The following KLHL29 variants were observed in gnomAD, a reference collection of about 807,000 sequenced individuals.
KLHL29 encodes the protein kelch like family member 29, also known as kelch-like protein 29.
KLHL29 carries 21 observed loss-of-function variants against 80.4 expected under a neutral mutation model. The ratio of observed to expected loss-of-function variants is 0.26; its 90% CI spans 0.19 to 0.38. KLHL29 has a LOEUF of 0.38. KLHL29 is among the 10% of genes least tolerant of loss of function. KLHL29 has a pLI of 1.00. For missense variants in KLHL29, 867 were observed against 1,223.9 expected (o/e 0.71, Z 4.35); for synonymous variants, 511 against 526.8 (o/e 0.97, Z 0.41).
chr2:23,592,513 C>T (rs1668293615), intron 3 of KLHL29, among the ~76,000 whole-genome samples: 3 of 152,322 alleles, frequency 2.0e-5, no homozygotes, highest in Admixed American at 1.3e-4. Flanking sequence ...TCCACATGGC[C>T]GCAGGCCGGG....
chr2:23,648,593 A>G (rs558840807), intron 5 of KLHL29, among the ~76,000 whole-genome samples: 3 of 152,244 alleles, frequency 2.0e-5, no homozygotes, highest in African/African-American at 4.8e-5. Context: ...TCCGGGAGCT[A>G]TCTGTCTTGG....
At chr2:23,425,459 G>A (rs1662981453) in intron 1 of KLHL29, among the ~76,000 whole-genome samples, 1 of 152,152 alleles carries the variant, frequency 6.6e-6, no homozygotes, top group Non-Finnish European at 1.5e-5. Context: ...CCAGACCAGG[G>A]TCCCATAGCA....
At chr2:23,557,084 A>C (rs1399734946) in intron 2 of KLHL29, among the ~76,000 whole-genome samples, 1 of 152,112 alleles carries the variant, frequency 6.6e-6, no homozygotes, top group Non-Finnish European at 1.5e-5. Context: ...AAGGGGGCTC[A>C]CCTTGACAAG....
At chr2:23,453,915 A>AC (rs1489516579) in intron 1 of KLHL29, among the ~76,000 whole-genome samples, 1 of 152,110 alleles carries the variant, frequency 6.6e-6, no homozygotes, top group Non-Finnish European at 1.5e-5. Context: ...AGGTTTTAGA[A>AC]CTGCATTTGA....
intron 3 of KLHL29, among the ~76,000 whole-genome samples, chr2:23,592,977 G>A (rs1366907045): frequency 1.3e-5 from 2 of 152,090 alleles, no homozygotes; most frequent in Non-Finnish European, 2.9e-5. Context: ...GTCTTCTCAG[G>A]GCTTCATTGT....
intron 1 of KLHL29, among the ~76,000 whole-genome samples, chr2:23,455,445 T>C (rs1170582275): frequency 6.6e-6 from 1 of 152,206 alleles, no homozygotes; most frequent in African/African-American, 2.4e-5. Flanking sequence ...TGAAGGTCTT[T>C]GTTAAAAAGC....
chr2:23,404,560 G>A (rs552736799), intron 1 of KLHL29, among the ~76,000 whole-genome samples: 33 of 152,164 alleles, frequency 2.2e-4, no homozygotes, highest in African/African-American at 7.2e-4. Flanking sequence ...CCACTGTCAC[G>A]CCCACAAGAG....
chr2:23,441,334 TG>T (rs1212365319), intron 1 of KLHL29, among the ~76,000 whole-genome samples: 3,689 of 56,180 alleles, frequency 0.066, 75 homozygotes, highest in Middle Eastern at 0.23. Context: ...TGTGGCGGGG[TG>T]GGGGGAGGGG....
At chr2:23,620,775 C>A (rs1261439060) in intron 3 of KLHL29, among the ~76,000 whole-genome samples, 1 of 152,166 alleles carries the variant, frequency 6.6e-6, no homozygotes, top group Non-Finnish European at 1.5e-5. Flanking sequence ...GAGAGGGAGG[C>A]AGGAGAAGAA....
chr2:23,513,832 C>T (rs143531746), intron 2 of KLHL29, among the ~76,000 whole-genome samples: 64 of 152,294 alleles, frequency 4.2e-4, no homozygotes, highest in African/African-American at 1.5e-3. Flanking sequence ...AGACTTTCCA[C>T]GTCAGCCTAC....
chr2:23,628,890 G>A (rs1289450352), intron 3 of KLHL29, among the ~76,000 whole-genome samples: 1 of 152,190 alleles, frequency 6.6e-6, no homozygotes, highest in Non-Finnish European at 1.5e-5. Flanking sequence ...GGGGAGGGCG[G>A]GGGTGGGCCT....
At chr2:23,703,676 C>A in intron 12 of KLHL29, 43 bp from the exon 13 acceptor site, 1 of 1,501,680 alleles carries the variant, frequency 6.7e-7, no homozygotes, top group South Asian at 1.3e-5. Flanking sequence ...GAGGGAAGTC[C>A]AAGACAAGCT....
In KLHL29 at chr2:23,642,625, C is replaced by T; in HGVS notation, c.715C>T (p.Pro239Ser). ...TCAGCCCCTGGCCGTGTCCACACTG[C>T]CCGGTGTGGGGCAGGTGGCCCGCCC... is the stretch of plus-strand genomic sequence containing the variant. Reference protein sequence around the residue: ...SPQPLAVSTLPGVGQVARPGP... With the variant: ...SPQPLAVSTLSGVGQVARPGP... The change falls in exon 5 of 14, where the codon CCC becomes TCC. Residue 239 changes from proline to serine, a missense_variant. Physicochemically the swap from Pro to Ser is moderately conservative, Grantham distance 74. Transcript: ENST00000486442. The T allele has an allele frequency of 1.3e-6, 2 of 1,549,756 alleles. No homozygotes were observed. Among genetic ancestry groups the T allele is most frequent in the Non-Finnish European group, 1.7e-6 (2 of 1,146,542 alleles).
intron 1 of KLHL29, among the ~76,000 whole-genome samples, chr2:23,412,054 G>A (rs1666872366): frequency 6.6e-6 from 1 of 151,610 alleles, no homozygotes; most frequent in African/African-American, 2.4e-5. Flanking sequence ...AAGTGTTGTG[G>A]GAATGTGAGG....
intron 1 of KLHL29, among the ~76,000 whole-genome samples, chr2:23,432,517 G>A (rs1413957953): frequency 1.3e-5 from 2 of 152,238 alleles, no homozygotes; most frequent in Non-Finnish European, 2.9e-5. Flanking sequence ...CCCTGTCCTT[G>A]CACTTCTGGA....
chr2:23,601,453 A>C (rs764652594), intron 3 of KLHL29, among the ~76,000 whole-genome samples: 1 of 152,138 alleles, frequency 6.6e-6, no homozygotes, highest in Non-Finnish European at 1.5e-5. Flanking sequence ...TCTGCCCTGG[A>C]ATGTGCATGT....
chr2:23,417,853 A>AC (rs2103399410), intron 1 of KLHL29, among the ~76,000 whole-genome samples: 2 of 151,834 alleles, frequency 1.3e-5, no homozygotes, highest in South Asian at 4.2e-4. Flanking sequence ...TGCCACCACG[A>AC]CCCCCACCCT....
chr2:23,636,925 C>A (rs1014512387), intron 3 of KLHL29, among the ~76,000 whole-genome samples: 1 of 152,134 alleles, frequency 6.6e-6, no homozygotes, highest in Non-Finnish European at 1.5e-5. Flanking sequence ...TTTCCAGAAG[C>A]TTCCCTACCC....
At chr2:23,607,034 A>G (rs1183164786) in intron 3 of KLHL29, among the ~76,000 whole-genome samples, 1 of 152,208 alleles carries the variant, frequency 6.6e-6, no homozygotes, top group Non-Finnish European at 1.5e-5. Flanking sequence ...CATGAGCCCC[A>G]TATGAGGGCA....
Sources: allele counts gnomAD v4.1 joint callset (sites outside exome capture counted in the v4.1 genomes callset), GRCh38; gene constraint gnomAD v4.1.1; transcripts MANE v1.5; gene names NCBI Gene and HGNC (gene_info 2026-07-23, HGNC 2026-07-21).